The following HSF5 variants were observed in gnomAD, a reference collection of about 807,000 sequenced individuals.
HSF5 encodes heat shock factor protein 5.
HSF5 carries 5 observed loss-of-function variants against 50.8 expected under a neutral mutation model. That is an observed-to-expected ratio of 0.10 (90% CI 0.05 to 0.21). HSF5 has a LOEUF of 0.21. HSF5 is among the 10% of genes least tolerant of loss of function. The pLI is 1.00. For missense variants in HSF5, 564 were observed against 762.6 expected (o/e 0.74, Z 3.07); for synonymous variants, 307 against 307.4 (o/e 1.00, Z 0.02).
chr17:58,445,049 G>T (rs1320397683), intron 5 of HSF5, among the ~76,000 whole-genome samples: 11 of 152,102 alleles, frequency 7.2e-5, no homozygotes, highest in Admixed American at 7.2e-4. Context: ...GTATCTATCA[G>T]CTCATGCTCA....
Position 58,487,783 on chromosome 17 carries a change from G to A in HSF5, c.492C>T (p.Thr164=), listed in dbSNP as rs1326655706. ...RLLITSASAA[T]APLQHQQPPP... is the part of the protein sequence containing the mutation. Reference sequence around the variant, plus strand: ...GCGGCTGCTGGTGCTGCAGTGGCGCGGTGGCGGCGGAGGCCGAGGTGATGA... The same window carrying A: ...GCGGCTGCTGGTGCTGCAGTGGCGCAGTGGCGGCGGAGGCCGAGGTGATGA... The change falls in exon 1 of 6, where the codon ACC becomes ACT. Residue 164 remains threonine, a synonymous_variant. Coordinates refer to ENST00000323777, the MANE Select transcript of HSF5 (RefSeq NM_001080439.3). 1.3e-6 allele frequency: 2 copies of A among 1,501,982 alleles called. No homozygotes were observed. The highest frequency in any genetic ancestry group is 1.8e-6 in the Non-Finnish European group (2 of 1,134,598). The allele number at this position is 1,501,982 out of a possible 1,614,324, so 93.0% of individuals were successfully genotyped here. A position where few individuals can be genotyped will look rare whatever the true frequency, so the allele number is the denominator to read the frequency against.
chr17:58,461,202 A>G lies in HSF5; in HGVS notation c.1542+1580T>C, dbSNP rs560639683. Among the ~76,000 whole-genome samples, 9 of 140,246 alleles carry G rather than the reference A, an allele frequency of 6.4e-5. No individual in the cohort carries two copies. The East Asian group carries it at 1.7e-3, about 27-fold the overall frequency. 92.0% of individuals were successfully genotyped at this position (140,246 alleles called of 152,430 possible). On this transcript the variant is annotated intron_variant, in intron 4 of 5. Coordinates refer to ENST00000323777, the MANE Select transcript of HSF5 (RefSeq NM_001080439.3). Reference sequence around the variant, plus strand: ...GCACTCCAGCCCGAGCAACAGAGCGAGATTCCATCTCACAACAACAACAAC... The same window carrying G: ...GCACTCCAGCCCGAGCAACAGAGCGGGATTCCATCTCACAACAACAACAAC...
intron 5 of HSF5, among the ~76,000 whole-genome samples, chr17:58,454,882 G>C (rs914913048): frequency 6.6e-6 from 1 of 152,162 alleles, no homozygotes; most frequent in African/African-American, 2.4e-5. Flanking sequence ...GAAGATTATT[G>C]TTAAAATGTC....
chr17:58,469,848 TTAA>T, intron 2 of HSF5, among the ~76,000 whole-genome samples: 1 of 152,294 alleles, frequency 6.6e-6, no homozygotes, highest in African/African-American at 2.4e-5. Context: ...AATATAGGCA[TTAA>T]TGACATTTTC....
intron 2 of HSF5, among the ~76,000 whole-genome samples, chr17:58,469,121 T>C (rs931080911): frequency 1.3e-5 from 2 of 151,626 alleles, no homozygotes; most frequent in African/African-American, 4.8e-5. Context: ...AAAAGCTTTT[T>C]CCCCTAGAGT....
chr17:58,473,664 T>C (rs1974976236), intron 2 of HSF5, among the ~76,000 whole-genome samples: 1 of 151,854 alleles, frequency 6.6e-6, no homozygotes, highest in Admixed American at 6.6e-5. Flanking sequence ...ACAACAAATA[T>C]AAAAAATGAT....
At chr17:58,430,686 C>T (rs1448522053) in intron 5 of HSF5, among the ~76,000 whole-genome samples, 1 of 152,130 alleles carries the variant, frequency 6.6e-6, no homozygotes, top group Non-Finnish European at 1.5e-5. Context: ...GGTTCTGTGG[C>T]CTTTACACTT....
rs766257118 is a variant in HSF5 at position 58,466,907 on chromosome 17, T to C, written c.998A>G (p.Tyr333Cys). Residue 333 changes from tyrosine (Y) to cysteine (C), a missense_variant, in exon 3 of 6, where the codon TAT becomes TGT. Transcript: ENST00000323777. ...TACCTGGAAGTAGTTGCAGTGTGCATAGGAAGAGGCAGTGGGAGTGACACA... is the reference window on the plus strand; with the variant it reads ...TACCTGGAAGTAGTTGCAGTGTGCACAGGAAGAGGCAGTGGGAGTGACACA... ...SSCVTPTASS[Y>C]AHCNYFQNPS... The C allele has an allele frequency of 5.6e-6, 9 of 1,605,486 alleles. 1 individual carries two copies. In the East Asian group the frequency reaches 2.0e-4, roughly 36 times the overall value.
In HSF5 at chr17:58,465,696, G is replaced by A. The variant is rs553695126; in HGVS notation, c.1020+1189C>T. ...AGTAAGATATTCTCCTAAGAACTGA[G>A]ACTATCTTGAAACTATCTTGGCTAG... On this transcript the variant is annotated intron_variant, in intron 3 of 5. Transcript: ENST00000323777. Among the ~76,000 whole-genome samples, 10 of 151,164 alleles carry A rather than the reference G, an allele frequency of 6.6e-5. No homozygotes were observed. The South Asian group carries it at 2.1e-3, about 32-fold the overall frequency.
At chr17:58,462,658 G>T in intron 4 of HSF5, 124 bp downstream of exon 4, 1 of 906,014 alleles carries the variant, frequency 1.1e-6, no homozygotes, top group Admixed American at 2.5e-5. Context: ...TGATCCTCCT[G>T]GAAACCATAA....
chr17:58,423,653 A>G (rs112178297), intron 5 of HSF5, among the ~76,000 whole-genome samples: 5,602 of 151,780 alleles, frequency 0.037, 157 homozygotes, highest in South Asian at 0.092. Context: ...CTAATTTTTT[A>G]TATATTTAGT....
At chr17:58,478,190 T>C (rs1016967273) in intron 2 of HSF5, among the ~76,000 whole-genome samples, 1 of 151,580 alleles carries the variant, frequency 6.6e-6, no homozygotes, top group Non-Finnish European at 1.5e-5. Context: ...TCCCAGCACT[T>C]TGGGAGGCCG....
intron 5 of HSF5, among the ~76,000 whole-genome samples, chr17:58,438,410 T>G (rs1257833686): frequency 6.6e-6 from 1 of 152,214 alleles, no homozygotes; most frequent in Non-Finnish European, 1.5e-5. Flanking sequence ...GACATAGTTC[T>G]CAGAATACAT....
intron 5 of HSF5, among the ~76,000 whole-genome samples, chr17:58,428,417 T>C (rs369503096): frequency 1.3e-5 from 2 of 152,130 alleles, no homozygotes; most frequent in Non-Finnish European, 1.5e-5. Context: ...CCCAACACTT[T>C]GGGAGGCCGA....
chr17:58,470,445 G>T (rs1396310658), intron 2 of HSF5, among the ~76,000 whole-genome samples: 1 of 152,098 alleles, frequency 6.6e-6, no homozygotes, highest in Non-Finnish European at 1.5e-5. Flanking sequence ...CCTCATGTAA[G>T]GTTCCTAGAA....
chr17:58,429,705 G>C (rs978930090), intron 5 of HSF5, among the ~76,000 whole-genome samples: 3 of 151,260 alleles, frequency 2.0e-5, no homozygotes, highest in African/African-American at 7.3e-5. Flanking sequence ...AATCAGCCGG[G>C]CATGGTGGCG....
Position 58,456,895 on chromosome 17 carries a change from G to A in HSF5, c.1720+1873C>T, listed in dbSNP as rs114333881. Among the ~76,000 whole-genome samples the A allele has an allele frequency of 6.8e-3, 1,034 of 152,250 alleles. 8 individuals are homozygous for A. Among genetic ancestry groups the A allele is most frequent in the African/African-American group, 0.023 (971 of 41,552 alleles). On this transcript the variant is annotated intron_variant, in intron 5 of 5. Coordinates refer to ENST00000323777, the MANE Select transcript of HSF5 (RefSeq NM_001080439.3). ...CCCAGCACTTTGAGAGGTCAAGGCA[G>A]GAGGACTGCTTGAGCCTAGGAGTGC...
chr17:58,430,809 T>C (rs1424129292), intron 5 of HSF5, among the ~76,000 whole-genome samples: 1 of 152,184 alleles, frequency 6.6e-6, no homozygotes, highest in Non-Finnish European at 1.5e-5. Context: ...TATATGTCTA[T>C]ATACAGTCAG....
At position 58,439,471 on chromosome 17, in the gene HSF5, A is replaced by G. The variant is rs115559398; in HGVS notation, c.1721-17041T>C. Among the ~76,000 whole-genome samples the G allele has an allele frequency of 8.4e-3, 1,280 of 152,100 alleles. 16 individuals carry two copies. The highest frequency in any genetic ancestry group is 0.028 in the African/African-American group (1,173 of 41,510). ...ACAATTATAGAATAGAATAAAAAAGAGCTGTTAGAAGTTATAATTTTTTTT... is the reference window on the plus strand; with the variant it reads ...ACAATTATAGAATAGAATAAAAAAGGGCTGTTAGAAGTTATAATTTTTTTT... On this transcript the variant is annotated intron_variant, in intron 5 of 5. Transcript: ENST00000323777.
Sources: gnomAD v4.1 joint callset for allele counts (sites outside exome capture counted in the v4.1 genomes callset) on GRCh38, gnomAD v4.1.1 for gene constraint, MANE v1.5 for transcripts, NCBI Gene and HGNC (gene_info 2026-07-23, HGNC 2026-07-21) for gene names.